Variants in DPP6 observed in about 807,000 individuals in gnomAD.
The protein encoded by DPP6 is A-type potassium channel modulatory protein DPP6.
A neutral mutation model predicts 122.6 loss-of-function variants in DPP6; 69 were observed. That is an observed-to-expected ratio of 0.56 (90% CI 0.46 to 0.69). DPP6 has a LOEUF of 0.69. Ranked by LOEUF, DPP6 falls within the 30% of genes least tolerant of loss-of-function variation. The pLI is 0.00. For synonymous variants in DPP6, 418 were observed against 433.1 expected, an observed-to-expected ratio of 0.97 and a Z score of 0.43; for missense variants, 928 against 1,116.9, an observed-to-expected ratio of 0.83 and a Z score of 2.41.
intron 1 of DPP6, among the ~76,000 whole-genome samples, chr7:153,895,728 GCACACA>G (rs10599371): frequency 0.25 from 36,918 of 149,572 alleles, 4,492 homozygotes; most frequent in South Asian, 0.32. Context: ...GTGCATGCGT[GCACACA>G]CACACACACA....
the DPP6 span, among the ~76,000 whole-genome samples, chr7:153,875,486 AT>A: frequency 1.4e-4 from 21 of 152,216 alleles, no homozygotes; most frequent in Non-Finnish European, 3.1e-4. Context: ...TTAGAAAAAA[AT>A]ACCTATATAA....
intron 1 of DPP6, among the ~76,000 whole-genome samples, chr7:154,211,608 G>T (rs1398750159): frequency 1.3e-5 from 2 of 152,136 alleles, no homozygotes; most frequent in African/African-American, 4.8e-5. Context: ...CGCATTTATG[G>T]CTCTCTTTTT....
chr7:153,990,110 C>T lies in DPP6; in HGVS notation c.51+102376C>T, dbSNP rs374061338. ...CTTCTAAGCCCCACCCTCAGGCAGT[C>T]CCGCCCCCTGCCAGCCCCACCACTG... On this transcript the variant is annotated intron_variant, in intron 1 of 25. Coordinates refer to the DPP6 transcript ENST00000404039. Among the ~76,000 whole-genome samples, 61 of 90,990 alleles carry T rather than the reference C, an allele frequency of 6.7e-4. 2 individuals are homozygous for T. The East Asian group carries it at 0.016, about 24-fold the overall frequency. The allele number at this position is 90,990 out of a possible 152,430, so 59.7% of individuals were successfully genotyped here.
intron 8 of DPP6, among the ~76,000 whole-genome samples, chr7:154,729,907 T>C (rs538557790): frequency 1.1e-4 from 17 of 152,328 alleles, no homozygotes; most frequent in African/African-American, 3.6e-4. Context: ...TCTGCTGTAG[T>C]TATGCCTGTT....
At chr7:154,766,918 G>C (rs1795938871) in intron 8 of DPP6, among the ~76,000 whole-genome samples, 1 of 152,134 alleles carries the variant, frequency 6.6e-6, no homozygotes, top group Admixed American at 6.5e-5. Context: ...GCCCCCCCTT[G>C]CCTAGTGGCC....
chr7:154,353,058 G>C (rs781436951), intron 1 of DPP6, among the ~76,000 whole-genome samples: 2 of 152,224 alleles, frequency 1.3e-5, no homozygotes, highest in African/African-American at 2.4e-5. Flanking sequence ...CGTGGCCCCT[G>C]GGCCAGCAGC....
intron 1 of DPP6, among the ~76,000 whole-genome samples, chr7:153,944,664 G>GTTTTTTT (rs139824215): frequency 5.4e-4 from 58 of 106,984 alleles, no homozygotes; most frequent in Middle Eastern, 6.4e-3. Context: ...TTTTGTGTGG[G>GTTTTTTT]TTTTTTTTTT....
At chr7:154,479,910 C>A (rs953803534) in intron 3 of DPP6, among the ~76,000 whole-genome samples, 2 of 152,100 alleles carry the variant, frequency 1.3e-5, no homozygotes, top group Non-Finnish European at 2.9e-5. Flanking sequence ...ACTCCCTCCC[C>A]ATCCTCCTTC....
At chr7:154,249,350 A>G (rs1445610528) in intron 1 of DPP6, among the ~76,000 whole-genome samples, 1 of 152,234 alleles carries the variant, frequency 6.6e-6, no homozygotes, top group Non-Finnish European at 1.5e-5. Context: ...TTTTATAGCG[A>G]ATGAAAAATA....
At chr7:154,062,098 A>G (rs1400741134) in intron 1 of DPP6, among the ~76,000 whole-genome samples, 68 of 77,860 alleles carry the variant, frequency 8.7e-4, no homozygotes, top group Non-Finnish European at 1.1e-3. Context: ...CCCATCGCAG[A>G]GGGGGGACGC....
At chr7:154,753,900 T>C (rs1455337909) in intron 8 of DPP6, among the ~76,000 whole-genome samples, 2 of 152,182 alleles carry the variant, frequency 1.3e-5, no homozygotes, top group East Asian at 3.9e-4. Flanking sequence ...AGCTGCTTCC[T>C]GGGGTCAGGA....
chr7:154,508,723 T>C (rs1825842458), intron 3 of DPP6, among the ~76,000 whole-genome samples: 1 of 152,178 alleles, frequency 6.6e-6, no homozygotes, highest in South Asian at 2.1e-4. Flanking sequence ...TGTAGTCTGG[T>C]TGAAGGCTAA....
intron 11 of DPP6, among the ~76,000 whole-genome samples, 151 bp downstream of exon 11, chr7:154,794,353 G>A (rs916361200): frequency 6.6e-6 from 1 of 152,210 alleles, no homozygotes; most frequent in Admixed American, 6.5e-5. Context: ...GCAGAGTCCC[G>A]GCTCCGGCGT....
chr7:153,820,474 C>T, the DPP6 span, among the ~76,000 whole-genome samples: 15 of 152,244 alleles, frequency 9.9e-5, no homozygotes, highest in African/African-American at 3.6e-4. Context: ...AACCCAGGTC[C>T]CTCCACCTTG....
At chr7:153,960,156 T>C (rs1795272874) in intron 1 of DPP6, among the ~76,000 whole-genome samples, 1 of 152,216 alleles carries the variant, frequency 6.6e-6, no homozygotes, top group Non-Finnish European at 1.5e-5. Context: ...TAAAACTTTA[T>C]GAAGTTTGGG....
chr7:154,197,569 T>A (rs1798934505), intron 1 of DPP6, among the ~76,000 whole-genome samples: 1 of 152,174 alleles, frequency 6.6e-6, no homozygotes, highest in Non-Finnish European at 1.5e-5. Flanking sequence ...ATCCAGCGCC[T>A]TCCCTGAAAT....
At chr7:154,576,260 C>T (rs1231838793) in intron 5 of DPP6, among the ~76,000 whole-genome samples, 2 of 152,230 alleles carry the variant, frequency 1.3e-5, no homozygotes, top group Non-Finnish European at 1.5e-5. Flanking sequence ...CTGCGTCCAC[C>T]GCTGCATAAT....
At chr7:153,950,956 G>C (rs1802182981) in intron 1 of DPP6, among the ~76,000 whole-genome samples, 1 of 152,190 alleles carries the variant, frequency 6.6e-6, no homozygotes, top group African/African-American at 2.4e-5. Flanking sequence ...ACAGGATGGA[G>C]CACAGGGAGC....
At chr7:154,729,850 C>T (rs1157973815) in intron 8 of DPP6, among the ~76,000 whole-genome samples, 1 of 152,198 alleles carries the variant, frequency 6.6e-6, no homozygotes, top group Non-Finnish European at 1.5e-5. Flanking sequence ...TCACATGAGT[C>T]CTTGGCTACA....
Sources: allele counts gnomAD v4.1 joint callset (sites outside exome capture counted in the v4.1 genomes callset), GRCh38; gene constraint gnomAD v4.1.1; transcripts MANE v1.5; gene names NCBI Gene and HGNC (gene_info 2026-07-23, HGNC 2026-07-21).